The following FER1L6 variants were observed in gnomAD, a reference collection of about 807,000 sequenced individuals.
FER1L6 encodes fer-1 like family member 6.
Under a neutral mutation model 219.2 loss-of-function variants are expected in FER1L6, and 177 were observed. That is an observed-to-expected ratio of 0.81 (90% CI 0.71 to 0.91). The LOEUF (loss-of-function observed/expected upper bound fraction) is 0.91, where lower values mean the gene tolerates loss of function less well. FER1L6 is among the 40% of genes least tolerant of loss of function. The pLI, the probability that FER1L6 is intolerant of heterozygous loss-of-function variation, is 0.00. For missense variants in FER1L6, 2,153 were observed against 2,259.9 expected (o/e 0.95, Z 0.96); for synonymous variants, 768 against 824.3 (o/e 0.93, Z 1.17).
chr8:123,888,775 A>G (rs1273849594), intron 1 of FER1L6, among the ~76,000 whole-genome samples: 2 of 152,226 alleles, frequency 1.3e-5, no homozygotes, highest in African/African-American at 2.4e-5. Context: ...CTAAAATTCC[A>G]AGGCAAAAGC....
At chr8:124,016,531 C>T (rs1818207256) in intron 15 of FER1L6, among the ~76,000 whole-genome samples, 1 of 152,052 alleles carries the variant, frequency 6.6e-6, no homozygotes, top group African/African-American at 2.4e-5. Flanking sequence ...ACCTACTCTC[C>T]AGTGAGAAGA....
At position 124,066,452 on chromosome 8, in the gene FER1L6, T is replaced by C; in HGVS notation, c.3580T>C (p.Ser1194Pro). ...PKDPRKPSRR[S>P]TKRRKRTIAD... ...GGATCCCAGGAAGCCTTCCCGGAGGTCCACTAAGAGGAGAAAGAGGACCAT... is the reference window on the plus strand; with the variant it reads ...GGATCCCAGGAAGCCTTCCCGGAGGCCCACTAAGAGGAGAAAGAGGACCAT... The change falls in exon 27 of 41, where the codon TCC becomes CCC. Residue 1194 changes from serine to proline, a missense_variant. Coordinates refer to ENST00000522917, the MANE Select transcript of FER1L6 (RefSeq NM_001039112.2). 6.2e-7 allele frequency: 1 copy of C among 1,613,558 alleles called. No homozygotes were observed. Among genetic ancestry groups the C allele is most frequent in the Non-Finnish European group, 8.5e-7 (1 of 1,179,814 alleles).
intron 21 of FER1L6, among the ~76,000 whole-genome samples, chr8:124,049,140 C>G (rs558314889): frequency 6.6e-6 from 1 of 151,850 alleles, no homozygotes; most frequent in Non-Finnish European, 1.5e-5. Context: ...CTCCACATCC[C>G]GGGTTTAAGT....
At chr8:124,051,190 C>A (rs908420330) in intron 22 of FER1L6, among the ~76,000 whole-genome samples, 4 of 152,106 alleles carry the variant, frequency 2.6e-5, no homozygotes, top group African/African-American at 9.7e-5. Context: ...CATGCCAGGT[C>A]GGCTGACACC....
chr8:124,070,378 G>A, intron 29 of FER1L6, 89 bp from the exon 30 acceptor site: 10 of 1,462,846 alleles, frequency 6.8e-6, no homozygotes, highest in Non-Finnish European at 9.3e-6. Flanking sequence ...CATATATCAA[G>A]GCTGGTTTTG....
At chr8:123,961,060 C>T (rs1261955106) in intron 2 of FER1L6, among the ~76,000 whole-genome samples, 1 of 152,072 alleles carries the variant, frequency 6.6e-6, no homozygotes, top group Admixed American at 6.6e-5. Flanking sequence ...ACAGCCTGCG[C>T]AACATAGTGA....
chr8:124,004,658 A>G (rs1038913709), intron 13 of FER1L6, among the ~76,000 whole-genome samples: 4 of 151,830 alleles, frequency 2.6e-5, no homozygotes, highest in South Asian at 2.1e-4. Context: ...TATTTTTCCT[A>G]TCTCTCAGCC....
At position 124,017,676 on chromosome 8, in the gene FER1L6, CACTTTAGATAAGAAGCG is replaced by C; in HGVS notation, c.1976_1992del (p.Leu659TyrfsTer28). 1.2e-6 allele frequency: 2 copies of C among 1,613,780 alleles called. No individual in the cohort carries two copies. Among genetic ancestry groups the C allele is most frequent in the African/African-American group, 1.3e-5 (1 of 75,004 alleles). On this transcript the variant is annotated frameshift_variant, in exon 16 of 41. Transcript: ENST00000522917. LOFTEE classifies it high-confidence loss of function. ...AAAAGCCCAAGATGTTGAACCAAAC[CACTTTAGATAAGAAGCG>C]ACTTACGCTCTGCTGGCAGGAGCTG...
chr8:124,103,367 T>G lies in FER1L6; in HGVS notation c.5289+58T>G. 2.6e-6 allele frequency: 4 copies of G among 1,526,938 alleles called. No individual in the cohort carries two copies. In the Admixed American group the frequency reaches 7.3e-5, roughly 28 times the overall value. The allele number at this position is 1,526,938 out of a possible 1,614,324, so 94.6% of individuals were successfully genotyped here. ...GGGGAAGTTGGGGGCATCATGCTTT[T>G]CCACTGAGTCATTTTGTGAACTTCA... On this transcript the variant is annotated intron_variant, in intron 39 of 40. Coordinates refer to ENST00000522917, the MANE Select transcript of FER1L6 (RefSeq NM_001039112.2).
intron 1 of FER1L6, among the ~76,000 whole-genome samples, chr8:123,938,095 C>A (rs761608394): frequency 1.2e-4 from 19 of 152,138 alleles, no homozygotes; most frequent in Non-Finnish European, 2.2e-4. Context: ...CCTATCATAC[C>A]AAGAACACTT....
At chr8:124,070,030 T>C (rs1278370668) in intron 29 of FER1L6, among the ~76,000 whole-genome samples, 2 of 152,160 alleles carry the variant, frequency 1.3e-5, no homozygotes, top group African/African-American at 4.8e-5. Flanking sequence ...ATATATATAA[T>C]TTTCCACCTG....
rs574849252 is a variant in FER1L6, at chr8:124,065,456, T to C, written c.3555+883T>C. ...AAGGAACAGCCTGCCCAGCAAATGG[T>C]AAAGGCTGAGATAAAAAGAAGAGTG... On this transcript the variant is annotated intron_variant, in intron 26 of 40. Transcript: ENST00000522917. Among the ~76,000 whole-genome samples the C allele has an allele frequency of 3.0e-4, 43 of 143,200 alleles. 1 individual carries two copies. Among genetic ancestry groups the C allele is most frequent in the Middle Eastern group, 7.8e-3 (2 of 258 alleles). The allele number at this position is 143,200 out of a possible 152,430, so 93.9% of individuals were successfully genotyped here. A position where few individuals can be genotyped will look rare whatever the true frequency, so the allele number is the denominator to read the frequency against.
chr8:123,914,386 G>A (rs1563682960), intron 1 of FER1L6, among the ~76,000 whole-genome samples: 3 of 152,284 alleles, frequency 2.0e-5, no homozygotes, highest in Middle Eastern at 6.8e-3. Flanking sequence ...ATATATATAC[G>A]TCAGTGGGTG....
intron 6 of FER1L6, among the ~76,000 whole-genome samples, chr8:123,971,246 A>T (rs1815797613): frequency 6.6e-6 from 1 of 152,242 alleles, no homozygotes; most frequent in Admixed American, 6.5e-5. Flanking sequence ...TGGAATTATG[A>T]CATTAACCTT....
intron 39 of FER1L6, among the ~76,000 whole-genome samples, chr8:124,118,451 C>T (rs1448308004): frequency 2.0e-5 from 3 of 152,224 alleles, no homozygotes; most frequent in Admixed American, 1.3e-4. Context: ...CCAGTTTCCT[C>T]TTGAGAACTG....
At chr8:124,097,477 G>A (rs564173206) in intron 36 of FER1L6, 118 bp downstream of exon 36, 37 of 755,692 alleles carry the variant, frequency 4.9e-5, no homozygotes, top group African/African-American at 1.1e-4. Flanking sequence ...CTATCCACCC[G>A]GCCAGTTTTT....
chr8:123,915,951 G>T (rs534045555), intron 1 of FER1L6, among the ~76,000 whole-genome samples: 2 of 152,304 alleles, frequency 1.3e-5, no homozygotes, highest in South Asian at 4.1e-4. Context: ...GACAAGTTCA[G>T]TAAAGTATAC....
At chr8:123,890,369 G>T (rs1442725382) in intron 1 of FER1L6, among the ~76,000 whole-genome samples, 1 of 151,742 alleles carries the variant, frequency 6.6e-6, no homozygotes, top group East Asian at 1.9e-4. Flanking sequence ...AAAAACTGGG[G>T]GTTGGTTTCC....
intron 1 of FER1L6, among the ~76,000 whole-genome samples, chr8:123,894,254 C>T (rs1050628307): frequency 2.0e-5 from 3 of 152,182 alleles, no homozygotes; most frequent in Non-Finnish European, 4.4e-5. Flanking sequence ...CTTCCTTACC[C>T]TTTCCGAGTT....
Sources: allele counts gnomAD v4.1 joint callset (sites outside exome capture counted in the v4.1 genomes callset), GRCh38; gene constraint gnomAD v4.1.1; transcripts MANE v1.5; gene names NCBI Gene and HGNC (gene_info 2026-07-23, HGNC 2026-07-21).